Variants in CNTNAP2 observed in about 807,000 individuals in gnomAD.
The protein encoded by CNTNAP2 is contactin-associated protein-like 2.
A neutral mutation model predicts 155.2 loss-of-function variants in CNTNAP2; 98 were observed. The observed-to-expected ratio is 0.63, with a 90% CI of 0.54 to 0.75. The LOEUF (loss-of-function observed/expected upper bound fraction) is 0.75. Ranked by LOEUF, CNTNAP2 falls within the 30% of genes least tolerant of loss-of-function variation. The probability of loss-of-function intolerance (pLI) is 0.00; values close to 1 mark genes in which losing one functional copy is unlikely to be tolerated. For missense variants in CNTNAP2, 1,727 were observed against 1,688.1 expected (o/e 1.02, Z -0.40); for synonymous variants, 651 against 631.2 (o/e 1.03, Z -0.47).
chr7:146,189,679 G>T (rs1237860963), intron 1 of CNTNAP2, among the ~76,000 whole-genome samples: 1 of 152,172 alleles, frequency 6.6e-6, no homozygotes, highest in Non-Finnish European at 1.5e-5. Context: ...TAAATGAGAA[G>T]AGAAGAGATA....
intron 12 of CNTNAP2, among the ~76,000 whole-genome samples, chr7:147,574,337 G>C (rs879700258): frequency 1.3e-5 from 2 of 151,886 alleles, no homozygotes; most frequent in Non-Finnish European, 2.9e-5. Flanking sequence ...ATTATTAGCT[G>C]TGTGTTTATT....
intron 12 of CNTNAP2, among the ~76,000 whole-genome samples, chr7:147,601,644 A>AAATATATATATATAT: frequency 1.1e-5 from 1 of 87,468 alleles, no homozygotes; most frequent in East Asian, 3.4e-4. Context: ...CTTAAAAAAA[A>AAATATATATATATAT]ATATATATAT....
At chr7:147,681,559 G>A (rs148513562) in intron 13 of CNTNAP2, among the ~76,000 whole-genome samples, 2,485 of 151,948 alleles carry the variant, frequency 0.016, 222 homozygotes, top group Admixed American at 0.15. Flanking sequence ...CTTCCATCTT[G>A]TTTATTGTAC....
intron 1 of CNTNAP2, among the ~76,000 whole-genome samples, chr7:146,480,415 A>G (rs917773371): frequency 6.6e-6 from 1 of 151,992 alleles, no homozygotes; most frequent in Non-Finnish European, 1.5e-5. Context: ...GTATATGATT[A>G]TATATCTTAA....
intron 22 of CNTNAP2, among the ~76,000 whole-genome samples, chr7:148,391,216 A>G (rs577369010): frequency 1.7e-4 from 26 of 152,340 alleles, no homozygotes; most frequent in Middle Eastern, 3.4e-3. Flanking sequence ...GATTTATATA[A>G]ATAAGAAATT....
chr7:146,766,436 T>C (rs546172372), intron 1 of CNTNAP2, among the ~76,000 whole-genome samples: 1 of 152,244 alleles, frequency 6.6e-6, no homozygotes, highest in South Asian at 2.1e-4. Context: ...GTGAGAACAA[T>C]TTGACAATTT....
At chr7:146,242,574 C>A (rs1799580983) in intron 1 of CNTNAP2, among the ~76,000 whole-genome samples, 1 of 151,206 alleles carries the variant, frequency 6.6e-6, no homozygotes, top group African/African-American at 2.4e-5. Flanking sequence ...AAAACAAAAC[C>A]AAACCCTAAA....
At chr7:147,653,234 TTTTC>T (rs1430946387) in intron 13 of CNTNAP2, among the ~76,000 whole-genome samples, 1 of 152,174 alleles carries the variant, frequency 6.6e-6, no homozygotes, top group Non-Finnish European at 1.5e-5. Flanking sequence ...AATGTTGATG[TTTTC>T]TTTCTTTCTT....
chr7:146,561,539 G>T (rs1413491573), intron 1 of CNTNAP2, among the ~76,000 whole-genome samples: 3 of 152,016 alleles, frequency 2.0e-5, no homozygotes, highest in East Asian at 3.9e-4. Flanking sequence ...CACACCTATA[G>T]TCCTACCTAC....
chr7:147,338,486 G>C (rs1001621992), intron 9 of CNTNAP2, among the ~76,000 whole-genome samples: 1 of 151,938 alleles, frequency 6.6e-6, no homozygotes, highest in Non-Finnish European at 1.5e-5. Flanking sequence ...ATTTTATTGT[G>C]AAGTAAATGC....
intron 11 of CNTNAP2, among the ~76,000 whole-genome samples, chr7:147,491,818 A>C (rs903836778): frequency 1.3e-5 from 2 of 152,246 alleles, no homozygotes; most frequent in Non-Finnish European, 2.9e-5. Context: ...AAATATGGGT[A>C]AATGGAAGGC....
At chr7:147,473,453 A>G (rs1435481857) in intron 10 of CNTNAP2, among the ~76,000 whole-genome samples, 1 of 151,738 alleles carries the variant, frequency 6.6e-6, no homozygotes, top group African/African-American at 2.4e-5. Flanking sequence ...GCACCGGGAG[A>G]GTTTCCTCTG....
intron 13 of CNTNAP2, among the ~76,000 whole-genome samples, chr7:147,688,394 G>T (rs1474384159): frequency 6.6e-6 from 1 of 152,148 alleles, no homozygotes; most frequent in Non-Finnish European, 1.5e-5. Flanking sequence ...TCAAATGCAA[G>T]CATGCATGCT....
At chr7:147,862,198 T>C (rs1438031343) in intron 13 of CNTNAP2, among the ~76,000 whole-genome samples, 1 of 152,042 alleles carries the variant, frequency 6.6e-6, no homozygotes, top group Non-Finnish European at 1.5e-5. Context: ...CGACAAACCA[T>C]GGGTTATAAA....
intron 1 of CNTNAP2, among the ~76,000 whole-genome samples, chr7:146,771,638 G>A (rs1039686060): frequency 7.9e-5 from 12 of 152,062 alleles, no homozygotes; most frequent in South Asian, 2.1e-4. Flanking sequence ...ACAGAGGCAC[G>A]CAGTATAACT....
At chr7:146,341,042 C>T (rs1801374416) in intron 1 of CNTNAP2, among the ~76,000 whole-genome samples, 1 of 152,118 alleles carries the variant, frequency 6.6e-6, no homozygotes. Context: ...TTTTGCCTTT[C>T]TGCAAAAGGC....
intron 21 of CNTNAP2, among the ~76,000 whole-genome samples, chr7:148,381,818 G>A (rs1008075973): frequency 2.6e-5 from 4 of 152,172 alleles, no homozygotes; most frequent in Non-Finnish European, 5.9e-5. Context: ...ATGGCCCTGA[G>A]TTGGAACCAT....
In CNTNAP2 at chr7:147,668,281, G is replaced by A. The variant is rs141824502; in HGVS notation, c.2098+28975G>A. ...CGTGGACCCCAAAACTGAATGGTTC[G>A]TTCATAGAGGAATGTTCATAGTGCA... is the stretch of plus-strand genomic sequence containing the variant. On this transcript the variant is annotated intron_variant, in intron 13 of 23. Transcript: ENST00000361727. Among the ~76,000 whole-genome samples the A allele has an allele frequency of 2.3e-3, 351 of 152,276 alleles. 3 individuals carry two copies. Among genetic ancestry groups the A allele is most frequent in the African/African-American group, 8.2e-3 (341 of 41,570 alleles).
At chr7:147,325,666 A>G (rs1795441546) in intron 9 of CNTNAP2, among the ~76,000 whole-genome samples, 1 of 152,226 alleles carries the variant, frequency 6.6e-6, no homozygotes, top group African/African-American at 2.4e-5. Context: ...TATGTTAGTC[A>G]CAGCTTCCAT....
Sources: gnomAD v4.1 joint callset for allele counts (sites outside exome capture counted in the v4.1 genomes callset) on GRCh38, gnomAD v4.1.1 for gene constraint, MANE v1.5 for transcripts, NCBI Gene and HGNC (gene_info 2026-07-23, HGNC 2026-07-21) for gene names.